AK9: variants seen among roughly 807,000 people sequenced by gnomAD.
AK9 encodes the protein adenylate kinase domain containing 1.
Under a neutral mutation model 239.6 loss-of-function variants are expected in AK9, and 191 were observed. That is an observed-to-expected ratio of 0.80 (90% CI 0.71 to 0.90). The LOEUF (loss-of-function observed/expected upper bound fraction) is 0.90, where lower values mean the gene tolerates loss of function less well. AK9 is among the 40% of genes least tolerant of loss of function. AK9 has a pLI of 0.00. For missense variants in AK9, 1,995 were observed against 2,214.7 expected, an observed-to-expected ratio of 0.90 and a Z score of 1.99; for synonymous variants, 689 against 721.0, an observed-to-expected ratio of 0.96 and a Z score of 0.71.
At chr6:109,550,900 T>C (rs1209891018) in intron 24 of AK9, among the ~76,000 whole-genome samples, 1 of 152,170 alleles carries the variant, frequency 6.6e-6, no homozygotes, top group Non-Finnish European at 1.5e-5. Context: ...GTAAAATACA[T>C]GCTTACTGTA....
rs191510465 is a variant in AK9, at chr6:109,527,016, A to C, written c.3633+1995T>G. 2.0e-3 allele frequency among the ~76,000 whole-genome samples: 303 copies of C among 152,200 alleles called. 1 individual carries two copies. Among genetic ancestry groups the C allele is most frequent in the African/African-American group, 6.9e-3 (287 of 41,518 alleles). ...ACTCTTCTCCGAGGCGTAGTCTGAC[A>C]CTGTGCTCACTTGCTCCCCGGGCTT... On this transcript the variant is annotated intron_variant, in intron 29 of 40. Transcript: ENST00000424296.
chr6:109,548,329 T>C (rs1167465020), intron 25 of AK9, among the ~76,000 whole-genome samples: 1 of 152,170 alleles, frequency 6.6e-6, no homozygotes, highest in Admixed American at 6.5e-5. Context: ...AGACATCAGT[T>C]TGAAAACAGC....
chr6:109,504,500 T>C (rs1025190349), intron 35 of AK9, among the ~76,000 whole-genome samples: 3 of 152,178 alleles, frequency 2.0e-5, no homozygotes, highest in African/African-American at 7.2e-5. Context: ...TTATTGTTTA[T>C]CTGAAATTTA....
chr6:109,499,005 C>A (rs775485402), intron 36 of AK9, 39 bp downstream of exon 36: 431 of 1,385,544 alleles, frequency 3.1e-4, no homozygotes, highest in Non-Finnish European at 3.9e-4. Context: ...AAGACATTTT[C>A]TTTCTTTAGT....
intron 17 of AK9, among the ~76,000 whole-genome samples, chr6:109,587,197 AG>A (rs1237047379): frequency 6.6e-6 from 1 of 152,228 alleles, no homozygotes; most frequent in Non-Finnish European, 1.5e-5. Context: ...TTAGGGAAAA[AG>A]AAAGCTATGA....
intron 12 of AK9, among the ~76,000 whole-genome samples, chr6:109,627,133 CTTTTTTTTTTTT>C (rs71018357): frequency 1.5e-5 from 1 of 67,308 alleles, no homozygotes; most frequent in Non-Finnish European, 2.7e-5. Flanking sequence ...GATGTTTAAG[CTTTTTTTTTTTT>C]TTTTTTTTTT....
chr6:109,533,373 G>A lies in AK9; in HGVS notation c.3448C>T (p.Gln1150Ter). 1 of 1,610,638 alleles carries A rather than the reference G, an allele frequency of 6.2e-7. No homozygotes were observed. Among genetic ancestry groups the A allele is most frequent in the Non-Finnish European group, 8.5e-7 (1 of 1,178,460 alleles). The change falls in exon 28 of 41, where the codon CAA (glutamine) becomes TAA (stop). Residue 1150 changes from glutamine to a stop codon, truncating the protein, a stop_gained. Coordinates refer to ENST00000424296, the MANE Select transcript of AK9 (RefSeq NM_001145128.3). LOFTEE classifies it high-confidence loss of function. ...TCAAAAATATCTTGATCATCAACTT[G>A]TATAAAAACAGCTGCATCTGGGAAA... ...GFFPDAAVFI[Q>*]VDDQDIFDRL...
chr6:109,685,946 A>G (rs1019930331), intron 1 of AK9, among the ~76,000 whole-genome samples: 5 of 152,190 alleles, frequency 3.3e-5, no homozygotes, highest in Admixed American at 3.3e-4. Flanking sequence ...AAATTTAACA[A>G]GCTGGTAGTC....
At chr6:109,501,388 G>C (rs1777589218) in intron 35 of AK9, among the ~76,000 whole-genome samples, 1 of 152,128 alleles carries the variant, frequency 6.6e-6, no homozygotes, top group Non-Finnish European at 1.5e-5. Flanking sequence ...CTGAAAAGGA[G>C]ATGGTTGGGA....
intron 27 of AK9, among the ~76,000 whole-genome samples, chr6:109,535,942 T>A (rs1781922249): frequency 6.6e-6 from 1 of 152,234 alleles, no homozygotes; most frequent in Non-Finnish European, 1.5e-5. Context: ...CTCTGAGGGC[T>A]CTGTTGTGTT....
intron 27 of AK9, among the ~76,000 whole-genome samples, chr6:109,536,540 A>C (rs1034156344): frequency 4.6e-5 from 7 of 152,140 alleles, no homozygotes; most frequent in Non-Finnish European, 1.0e-4. Context: ...ACAATCATGT[A>C]ATCTGCAAAC....
intron 8 of AK9, among the ~76,000 whole-genome samples, chr6:109,650,905 A>G (rs1798831579): frequency 6.6e-6 from 1 of 152,212 alleles, no homozygotes; most frequent in Admixed American, 6.5e-5. Context: ...GCAGCCATAA[A>G]AAATGATGAG....
intron 24 of AK9, among the ~76,000 whole-genome samples, chr6:109,554,562 C>T (rs1784752730): frequency 9.1e-6 from 1 of 110,256 alleles, no homozygotes; most frequent in African/African-American, 3.3e-5. Flanking sequence ...GAAAAAGTCT[C>T]ATTCTGTAGC....
chr6:109,535,494 T>C (rs1781859391), intron 27 of AK9, among the ~76,000 whole-genome samples: 1 of 152,254 alleles, frequency 6.6e-6, no homozygotes, highest in Non-Finnish European at 1.5e-5. Flanking sequence ...TCTTTGTAGA[T>C]TCTGGATATT....
rs73519231 is a variant in AK9, at chr6:109,606,561, T to G, written c.1842+3804A>C. 6.2e-3 allele frequency among the ~76,000 whole-genome samples: 952 copies of G among 152,352 alleles called. 16 individuals carry two copies. The highest frequency in any genetic ancestry group is 0.022 in the African/African-American group (905 of 41,588). ...TGGATAACAGGTCATGAGCTTCCACTGCAAAACACAGAGTGGCAGGTTTGA... is the reference window on the plus strand; with the variant it reads ...TGGATAACAGGTCATGAGCTTCCACGGCAAAACACAGAGTGGCAGGTTTGA... On this transcript the variant is annotated intron_variant, in intron 17 of 40. Coordinates refer to ENST00000424296, the MANE Select transcript of AK9 (RefSeq NM_001145128.3).
At chr6:109,563,485 T>C in intron 24 of AK9, 112 bp downstream of exon 24, 2 of 1,438,768 alleles carry the variant, frequency 1.4e-6, no homozygotes, top group Admixed American at 2.4e-5. Flanking sequence ...AGAATGTGTG[T>C]GCAAATGAGA....
intron 8 of AK9, among the ~76,000 whole-genome samples, chr6:109,654,562 C>T (rs1195683436): frequency 6.6e-6 from 1 of 152,124 alleles, no homozygotes; most frequent in Non-Finnish European, 1.5e-5. Flanking sequence ...AACTCCTGAG[C>T]TCAGGCAATC....
intron 16 of AK9, among the ~76,000 whole-genome samples, chr6:109,610,719 A>G (rs765329407): frequency 8.5e-5 from 13 of 152,198 alleles, no homozygotes; most frequent in South Asian, 4.1e-4. Context: ...CAGAGAAGTA[A>G]CTTAAAGCCA....
rs1786227206 is a variant in AK9 at position 109,564,612 on chromosome 6, G to A, written c.2434+144C>T. On this transcript the variant is annotated intron_variant, in intron 22 of 40. Transcript: ENST00000424296. ...GTTTGATACACTTTTAATGGAGTAA[G>A]CCAAATATTTATGTATGTCAATTAG... 12 of 607,842 alleles carry A rather than the reference G, an allele frequency of 2.0e-5. No individual in the cohort carries two copies. In the East Asian group the frequency reaches 3.7e-4, roughly 19 times the overall value. The allele number at this position is 607,842 out of a possible 1,614,324, so 37.7% of individuals were successfully genotyped here.
Sources: allele counts gnomAD v4.1 joint callset (sites outside exome capture counted in the v4.1 genomes callset), GRCh38; gene constraint gnomAD v4.1.1; transcripts MANE v1.5; gene names NCBI Gene and HGNC (gene_info 2026-07-23, HGNC 2026-07-21).